Variants in CADM4 observed in about 807,000 individuals in gnomAD.
CADM4 encodes cell adhesion molecule 4, also known as TSLC1-like 2.
In CADM4, 13 loss-of-function variants were observed where a neutral mutation model predicts 43.9. The observed-to-expected ratio is 0.30, with a 90% CI of 0.19 to 0.47. The LOEUF is 0.47. Ranked by LOEUF, CADM4 falls within the 20% of genes least tolerant of loss-of-function variation. The pLI, the probability that CADM4 is intolerant of heterozygous loss-of-function variation, is 1.00. For synonymous variants in CADM4, 209 were observed against 220.9 expected (o/e 0.95, Z 0.48); for missense variants, 420 against 527.0 (o/e 0.80, Z 1.99).
In CADM4 at chr19:43,627,858, C is replaced by A; in HGVS notation, c.65-68G>T. The A allele has an allele frequency of 6.7e-7, 1 of 1,495,406 alleles. No individual in the cohort carries two copies. Among genetic ancestry groups the A allele is most frequent in the Non-Finnish European group, 9.2e-7 (1 of 1,089,326 alleles). The allele number at this position is 1,495,406 out of a possible 1,614,324, so 92.6% of individuals were successfully genotyped here. The stretch of plus-strand genomic sequence containing the variant: ...AGCTGCAATTCAATTTTTTCTTTCT[C>A]CCTCTTCCCCATCCAAACCTCCAAT... On this transcript the variant is annotated intron_variant, in intron 1 of 8. Transcript: ENST00000222374. This position sits in a 1 kb window ranked among gnomAD's most constrained non-coding sequence, Gnocchi z 4.0.
chr19:43,628,022 C>G (rs1307289976), intron 1 of CADM4, among the ~76,000 whole-genome samples: 1 of 152,204 alleles, frequency 6.6e-6, no homozygotes, highest in East Asian at 1.9e-4. Context: ...GAGGGCAGCA[C>G]AGGGCACACT....
chr19:43,636,489 C>CT (rs1473240656), intron 1 of CADM4, among the ~76,000 whole-genome samples: 9 of 152,160 alleles, frequency 5.9e-5, no homozygotes, highest in Admixed American at 1.3e-4. Flanking sequence ...ACGGAGGAGC[C>CT]TGCGTGCCTG....
In CADM4 at chr19:43,625,170, G is replaced by C. The variant is rs756783445; in HGVS notation, c.836C>G (p.Pro279Arg). Residue 279 changes from proline to arginine, a missense_variant, in exon 7 of 9, where the codon CCG (proline) becomes CGG (arginine). Pro to Arg is a moderately radical substitution (Grantham distance 103, BLOSUM62 -2). Transcript: ENST00000222374. The surrounding 1 kb of genome is among the most constrained non-coding windows in gnomAD (Gnocchi z 4.5). ...AEAVGETLTL[P>R]GLVSADNGTY... Reference sequence around the variant, plus strand: ...GCCGTTATCCGCGGATACCAGACCCGGCAGCGTGAGCGTCTCTCCCACGGC... The same window carrying C: ...GCCGTTATCCGCGGATACCAGACCCCGCAGCGTGAGCGTCTCTCCCACGGC... The C allele has an allele frequency of 6.2e-6, 10 of 1,614,014 alleles. No individual in the cohort carries two copies. The highest frequency in any genetic ancestry group is 8.5e-6 in the Non-Finnish European group (10 of 1,180,026).
At chr19:43,630,550 C>T (rs1973607373) in intron 1 of CADM4, among the ~76,000 whole-genome samples, 1 of 152,170 alleles carries the variant, frequency 6.6e-6, no homozygotes, top group Admixed American at 6.5e-5. Flanking sequence ...TCCCAAAGTG[C>T]TGGGATTACA....
intron 1 of CADM4, 93 bp downstream of exon 1, chr19:43,639,634 T>G: frequency 1.4e-6 from 1 of 710,480 alleles, no homozygotes; most frequent in Non-Finnish European, 1.7e-6. Flanking sequence ...CCGCGCGCAT[T>G]GTTCGGCCTC....
rs1973523586 is a variant in CADM4 at position 43,626,183 on chromosome 19, T to C, written c.605A>G (p.Gln202Arg). ...GTGTCCGGAGGGCAGCGCCTGGTTC[T>C]GCGCCTCACAGATGATGATACCACC... is the stretch of plus-strand genomic sequence containing the variant. ...DDGGIIICEA[Q>R]NQALPSGHSK... The change falls in exon 5 of 9, where the codon CAG (glutamine) becomes CGG (arginine). Residue 202 changes from glutamine (Q) to arginine (R), a missense_variant. Physicochemically the swap from Gln to Arg is conservative, Grantham distance 43. Coordinates refer to ENST00000222374, the MANE Select transcript of CADM4 (RefSeq NM_145296.2). This position sits in a 1 kb window ranked among gnomAD's most constrained non-coding sequence, Gnocchi z 5.9. 2 of 1,614,030 alleles carry C rather than the reference T, an allele frequency of 1.2e-6. No individual in the cohort carries two copies. The highest frequency in any genetic ancestry group is 4.5e-5 in the East Asian group (2 of 44,876).
chr19:43,641,405 C>G (rs189722729), upstream of CADM4, among the ~76,000 whole-genome samples: 1 of 152,336 alleles, frequency 6.6e-6, no homozygotes, highest in East Asian at 1.9e-4. Context: ...TACCATCAAC[C>G]CTTGTGTCCC....
chr19:43,629,129 G>A (rs976766539), intron 1 of CADM4, among the ~76,000 whole-genome samples: 3 of 152,206 alleles, frequency 2.0e-5, no homozygotes, highest in East Asian at 3.8e-4. Context: ...CCAATGGGAT[G>A]TAGGTGGAAG....
chr19:43,626,386 C>G lies in CADM4; in HGVS notation c.500-98G>C. On this transcript the variant is annotated intron_variant, in intron 4 of 8. Transcript: ENST00000222374. The surrounding 1 kb of genome is among the most constrained non-coding windows in gnomAD (Gnocchi z 5.9). Reference sequence around the variant, plus strand: ...AAAGCAGGCTATTTGCCAAGCTCCACCCCTTACCCACAGGCCCCGCCTCTT... The same window carrying G: ...AAAGCAGGCTATTTGCCAAGCTCCAGCCCTTACCCACAGGCCCCGCCTCTT... 6.9e-7 allele frequency: 1 copy of G among 1,447,128 alleles called. No individual in the cohort carries two copies. Among genetic ancestry groups the G allele is most frequent in the African/African-American group, 1.4e-5 (1 of 72,326 alleles). The allele number at this position is 1,447,128 out of a possible 1,614,324, so 89.6% of individuals were successfully genotyped here.
intron 1 of CADM4, among the ~76,000 whole-genome samples, chr19:43,634,627 T>C (rs1973675579): frequency 6.6e-6 from 1 of 151,960 alleles, no homozygotes; most frequent in South Asian, 2.1e-4. Flanking sequence ...GGCGGGACTT[T>C]CTGGTCAGAG....
chr19:43,630,324 C>T lies in CADM4; in HGVS notation c.65-2534G>A, dbSNP rs187439467. ...TTTTTGAGACATTGTCTTGCTCTGT[C>T]GCCCAGGCTAGAGTGCAGTGGTACG... On this transcript the variant is annotated intron_variant, in intron 1 of 8. Coordinates refer to ENST00000222374, the MANE Select transcript of CADM4 (RefSeq NM_145296.2). 3.0e-3 allele frequency among the ~76,000 whole-genome samples: 323 copies of T among 108,786 alleles called. 2 individuals carry two copies. Among genetic ancestry groups the T allele is most frequent in the Middle Eastern group, 0.011 (1 of 88 alleles). The allele number at this position is 108,786 out of a possible 152,430, so 71.4% of individuals were successfully genotyped here.
chr19:43,626,866 G>T lies in CADM4; in HGVS notation c.417C>A (p.Gly139=), dbSNP rs1973536778. 1 of 1,609,608 alleles carries T rather than the reference G, an allele frequency of 6.2e-7. No homozygotes were observed. Among genetic ancestry groups the T allele is most frequent in the South Asian group, 1.1e-5 (1 of 90,954 alleles). Residue 139 remains glycine (G), a synonymous_variant, in exon 4 of 9, where the codon GGC becomes GGA. Coordinates refer to ENST00000222374, the MANE Select transcript of CADM4 (RefSeq NM_145296.2). This position sits in a 1 kb window ranked among gnomAD's most constrained non-coding sequence, Gnocchi z 5.9. ...VEVREQAVEG[G]EVELSCLVPR... is the part of the protein sequence containing the mutation. ...GAACGAGGCAGCTGAGCTCCACCTC[G>T]CCGCCCTCTACCGCCTGCTCCCGGA...
At chr19:43,635,093 G>T (rs1401260029) in intron 1 of CADM4, among the ~76,000 whole-genome samples, 1 of 148,902 alleles carries the variant, frequency 6.7e-6, no homozygotes, top group Non-Finnish European at 1.5e-5. Flanking sequence ...GGAGCCAGGG[G>T]TCCAGAGTAC....
At chr19:43,636,751 A>C (rs1253144721) in intron 1 of CADM4, among the ~76,000 whole-genome samples, 1 of 59,950 alleles carries the variant, frequency 1.7e-5, no homozygotes, top group Non-Finnish European at 3.0e-5. Context: ...CCCCACCCCC[A>C]GGCTCTGGGG....
In CADM4 at chr19:43,627,024, T is replaced by A; in HGVS notation, c.365-106A>T. 2 of 1,485,896 alleles carry A rather than the reference T, an allele frequency of 1.3e-6. No homozygotes were observed. Among genetic ancestry groups the A allele is most frequent in the South Asian group, 2.7e-5 (2 of 74,172 alleles). The allele number at this position is 1,485,896 out of a possible 1,614,324, so 92.0% of individuals were successfully genotyped here. On this transcript the variant is annotated intron_variant, in intron 3 of 8. Coordinates refer to ENST00000222374, the MANE Select transcript of CADM4 (RefSeq NM_145296.2). This position sits in a 1 kb window ranked among gnomAD's most constrained non-coding sequence, Gnocchi z 4.0. ...GACCATAGGGAACCAGGGTCCCAGG[T>A]GGCAGGGGTCAAAGGGGAGAGGTCA... is the stretch of plus-strand genomic sequence containing the variant.
chr19:43,627,305 C>G lies in CADM4; in HGVS notation c.225G>C (p.Glu75Asp), dbSNP rs376993220. The G allele has an allele frequency of 1.3e-6, 2 of 1,598,672 alleles. No homozygotes were observed. The highest frequency in any genetic ancestry group is 1.7e-6 in the Non-Finnish European group (2 of 1,171,390). ...GGGAGAACTCCTCAAGCTGGAAACGCTCATCCTTCAAGGCTAGAGAGAGTG... is the reference window on the plus strand; with the variant it reads ...GGGAGAACTCCTCAAGCTGGAAACGGTCATCCTTCAAGGCTAGAGAGAGTG... ...FFNGTRALKD[E>D]RFQLEEFSPR... Residue 75 changes from glutamate (E) to aspartate (D), a missense_variant, in exon 3 of 9, where the codon GAG becomes GAC. By Grantham distance (45) the Glu-to-Asp change is conservative. Coordinates refer to ENST00000222374, the MANE Select transcript of CADM4 (RefSeq NM_145296.2). The surrounding 1 kb of genome is among the most constrained non-coding windows in gnomAD (Gnocchi z 4.0).
In CADM4 at chr19:43,626,274, G is replaced by T. The variant is rs758403490; in HGVS notation, c.514C>A (p.Gln172Lys). The change falls in exon 5 of 9, where the codon CAG becomes AAG. Residue 172 changes from glutamine to lysine, a missense_variant. Coordinates refer to ENST00000222374, the MANE Select transcript of CADM4 (RefSeq NM_145296.2). This position sits in a 1 kb window ranked among gnomAD's most constrained non-coding sequence, Gnocchi z 5.9. ...RKELKGVSSS[Q>K]ENGKVWSVAS... ...ACGCTCCAGACCTTGCCATTTTCCTGGCTGCTGCTCACTCCTGCCACACCC... is the reference window on the plus strand; with the variant it reads ...ACGCTCCAGACCTTGCCATTTTCCTTGCTGCTGCTCACTCCTGCCACACCC... The T allele has an allele frequency of 6.2e-7, 1 of 1,611,542 alleles. No individual in the cohort carries two copies. Among genetic ancestry groups the T allele is most frequent in the Non-Finnish European group, 8.5e-7 (1 of 1,179,958 alleles).
In CADM4 at chr19:43,625,277, G is replaced by A. The variant is rs1973505848; in HGVS notation, c.756-27C>T. 6.3e-7 allele frequency: 1 copy of A among 1,591,820 alleles called. No homozygotes were observed. Among genetic ancestry groups the A allele is most frequent in the Admixed American group, 1.7e-5 (1 of 57,632 alleles). On this transcript the variant is annotated intron_variant, in intron 6 of 8. Transcript: ENST00000222374. This position sits in a 1 kb window ranked among gnomAD's most constrained non-coding sequence, Gnocchi z 4.5. ...TGGGTGGGGATAAAGTATAGTGAGA[G>A]TTAGGAACCGAGGTGCCAGCACCCA...
chr19:43,625,853 G>T lies in CADM4; in HGVS notation c.755+58C>A. The stretch of plus-strand genomic sequence containing the variant: ...CCAGGAGTCCAAGTCCCTGGTCCCT[G>T]TTCTTCCAGGTCCCCAGCTTTCTCC... On this transcript the variant is annotated intron_variant, in intron 6 of 8. Coordinates refer to ENST00000222374, the MANE Select transcript of CADM4 (RefSeq NM_145296.2). This position sits in a 1 kb window ranked among gnomAD's most constrained non-coding sequence, Gnocchi z 4.5. The T allele has an allele frequency of 6.9e-7, 1 of 1,458,456 alleles. No individual in the cohort carries two copies. The highest frequency in any genetic ancestry group is 9.6e-7 in the Non-Finnish European group (1 of 1,041,792). The allele number at this position is 1,458,456 out of a possible 1,614,324, so 90.3% of individuals were successfully genotyped here. A position where few individuals can be genotyped will look rare whatever the true frequency, so the allele number is the denominator to read the frequency against.
Sources: allele counts gnomAD v4.1 joint callset (sites outside exome capture counted in the v4.1 genomes callset), GRCh38; gene constraint gnomAD v4.1.1; non-coding constraint Gnocchi (gnomAD v3.1); transcripts MANE v1.5; gene names NCBI Gene and HGNC (gene_info 2026-07-23, HGNC 2026-07-21).